The following XKR4 variants were observed in gnomAD, a reference collection of about 807,000 sequenced individuals.
XKR4 encodes the protein XK-related protein 4.
A neutral mutation model predicts 53.9 loss-of-function variants in XKR4; 12 were observed. That is an observed-to-expected ratio of 0.22 (90% CI 0.14 to 0.36). XKR4 has a LOEUF of 0.36. Among genes scored for constraint, XKR4 ranks in the 10% least tolerant of loss-of-function variants. XKR4 has a pLI of 1.00. For synonymous variants in XKR4, 354 were observed against 362.4 expected (o/e 0.98, Z 0.26); for missense variants, 799 against 859.5 (o/e 0.93, Z 0.88).
intron 2 of XKR4, among the ~76,000 whole-genome samples, chr8:55,432,457 T>G (rs1805117054): frequency 6.6e-6 from 1 of 152,202 alleles, no homozygotes; most frequent in South Asian, 2.1e-4. Flanking sequence ...AACAGCCTCC[T>G]CCCTGTATGA....
intron 1 of XKR4, among the ~76,000 whole-genome samples, chr8:55,249,204 G>T (rs1818332531): frequency 6.6e-6 from 1 of 152,118 alleles, no homozygotes; most frequent in African/African-American, 2.4e-5. Flanking sequence ...GCAATTCAAG[G>T]ACACGAATAT....
At chr8:55,355,597 CA>C (rs1803787188) in intron 1 of XKR4, among the ~76,000 whole-genome samples, 1 of 152,108 alleles carries the variant, frequency 6.6e-6, no homozygotes, top group Non-Finnish European at 1.5e-5. Context: ...TAAAAAGAAA[CA>C]AAATATGCTT....
At chr8:55,394,847 C>A (rs952694258) in intron 2 of XKR4, among the ~76,000 whole-genome samples, 2 of 152,182 alleles carry the variant, frequency 1.3e-5, no homozygotes, top group Non-Finnish European at 1.5e-5. Flanking sequence ...TCACCAGCAT[C>A]GGTTTAATCA....
intron 1 of XKR4, among the ~76,000 whole-genome samples, chr8:55,124,993 G>A (rs999196619): frequency 2.0e-5 from 3 of 152,170 alleles, no homozygotes; most frequent in African/African-American, 7.2e-5. Context: ...GTTCTATCAA[G>A]TGCTAGGCAG....
At chr8:55,135,696 G>A (rs1284223633) in intron 1 of XKR4, 3 of 455,768 alleles carry the variant, frequency 6.6e-6, no homozygotes, top group Non-Finnish European at 1.3e-5. Flanking sequence ...AGATTTTCCA[G>A]TTTATGCCCA....
chr8:55,457,007 G>C (rs919963053), intron 2 of XKR4, among the ~76,000 whole-genome samples: 1 of 98,364 alleles, frequency 1.0e-5, no homozygotes, highest in Non-Finnish European at 2.0e-5. Context: ...GAAATACAAA[G>C]AGAAAATCTT....
intron 2 of XKR4, among the ~76,000 whole-genome samples, chr8:55,482,465 G>A (rs190129713): frequency 3.2e-4 from 49 of 152,152 alleles, no homozygotes; most frequent in African/African-American, 1.2e-3. Context: ...GTTAATGGGT[G>A]CAGCACACCA....
chr8:55,203,928 T>G (rs1369266439), intron 1 of XKR4, among the ~76,000 whole-genome samples: 1 of 152,198 alleles, frequency 6.6e-6, no homozygotes, highest in East Asian at 1.9e-4. Flanking sequence ...GAACCTCACC[T>G]TTCTGGAGCC....
chr8:55,165,677 T>C (rs988213276), intron 1 of XKR4, among the ~76,000 whole-genome samples: 1 of 151,642 alleles, frequency 6.6e-6, no homozygotes, highest in Non-Finnish European at 1.5e-5. Context: ...TGGTGGCGGG[T>C]GCCTGTAGTC....
intron 2 of XKR4, among the ~76,000 whole-genome samples, chr8:55,456,455 A>C (rs1476437116): frequency 1.3e-5 from 2 of 152,166 alleles, no homozygotes; most frequent in Non-Finnish European, 2.9e-5. Context: ...AGAAGAAAGA[A>C]AGAAAAAGAA....
At chr8:55,434,775 GACAA>G (rs1211356949) in intron 2 of XKR4, among the ~76,000 whole-genome samples, 1 of 152,090 alleles carries the variant, frequency 6.6e-6, no homozygotes. Context: ...TTTGTTAGTG[GACAA>G]ACAATTTACT....
chr8:55,422,938 T>A (rs911350787), intron 2 of XKR4, among the ~76,000 whole-genome samples: 1 of 152,200 alleles, frequency 6.6e-6, no homozygotes, highest in Non-Finnish European at 1.5e-5. Flanking sequence ...CAGATATGAA[T>A]GTCTTTGAGC....
intron 1 of XKR4, among the ~76,000 whole-genome samples, chr8:55,150,123 A>G (rs923280508): frequency 6.6e-6 from 1 of 152,218 alleles, no homozygotes; most frequent in African/African-American, 2.4e-5. Flanking sequence ...TTACTGCTCT[A>G]AGATTATATA....
chr8:55,529,336 T>A lies in XKR4; in HGVS notation c.*5109T>A, dbSNP rs917371066. ...CTGCTAAACAAGAGATGACTTAATG[T>A]CCTTGAAATATTTTCGTAATATACT... On this transcript the variant is annotated 3_prime_UTR_variant, in exon 3 of 3. Coordinates refer to ENST00000327381, the MANE Select transcript of XKR4 (RefSeq NM_052898.2). The A allele has an allele frequency of 6.6e-6, 1 of 152,074 alleles. No individual in the cohort carries two copies. Among genetic ancestry groups the A allele is most frequent in the African/African-American group, 2.4e-5 (1 of 41,388 alleles). The allele number at this position is 152,074 out of a possible 1,614,324, so 9.4% of individuals were successfully genotyped here.
intron 1 of XKR4, among the ~76,000 whole-genome samples, chr8:55,157,979 C>T (rs534205986): frequency 3.5e-4 from 54 of 152,150 alleles, no homozygotes; most frequent in Admixed American, 9.2e-4. Context: ...AATGAACATA[C>T]GTGTGCATGT....
intron 2 of XKR4, among the ~76,000 whole-genome samples, chr8:55,426,568 T>C (rs1213026220): frequency 6.6e-6 from 1 of 152,220 alleles, no homozygotes; most frequent in Non-Finnish European, 1.5e-5. Context: ...AAAGGCTGTG[T>C]GTTATTCTTC....
chr8:55,284,615 TGAGA>T (rs756093474), intron 1 of XKR4, among the ~76,000 whole-genome samples: 26 of 151,920 alleles, frequency 1.7e-4, no homozygotes, highest in Non-Finnish European at 3.2e-4. Flanking sequence ...AACAGGTGAT[TGAGA>T]GAGAGAGAGC....
intron 2 of XKR4, chr8:55,453,262 C>A (rs1237470577): frequency 4.1e-6 from 2 of 490,624 alleles, no homozygotes; most frequent in Middle Eastern, 3.2e-4. Context: ...AGATGCCATG[C>A]TTGTCCAGAG....
intron 2 of XKR4, among the ~76,000 whole-genome samples, chr8:55,464,350 A>G (rs941698050): frequency 6.6e-6 from 1 of 152,196 alleles, no homozygotes. Context: ...GTAATCCAGC[A>G]TATAAACAGA....
Sources: gnomAD v4.1 joint callset for allele counts (sites outside exome capture counted in the v4.1 genomes callset) on GRCh38, gnomAD v4.1.1 for gene constraint, MANE v1.5 for transcripts, NCBI Gene and HGNC (gene_info 2026-07-23, HGNC 2026-07-21) for gene names.